CTNNA3: variants seen among roughly 807,000 people sequenced by gnomAD.
The protein encoded by CTNNA3 is catenin alpha-3.
CTNNA3 carries 76 observed loss-of-function variants against 95.7 expected under a neutral mutation model. That is an observed-to-expected ratio of 0.79 (90% confidence interval 0.66 to 0.96). CTNNA3 has a LOEUF of 0.96. CTNNA3 is among the 40% of genes least tolerant of loss of function. The pLI, the probability that CTNNA3 is intolerant of heterozygous loss-of-function variation, is 0.00. For synonymous variants in CTNNA3, 431 were observed against 374.4 expected (o/e 1.15, Z -1.74); for missense variants, 1,191 against 1,089.8 (o/e 1.09, Z -1.31).
intron 5 of CTNNA3, among the ~76,000 whole-genome samples, chr10:67,513,030 A>G (rs117944834): frequency 0.044 from 6,736 of 152,296 alleles, 192 homozygotes; most frequent in Non-Finnish European, 0.07. Flanking sequence ...TTAAAAAGGC[A>G]CTACTGAATT....
At chr10:66,814,278 A>G (rs2132272164) in intron 7 of CTNNA3, among the ~76,000 whole-genome samples, 1 of 152,038 alleles carries the variant, frequency 6.6e-6, no homozygotes, top group South Asian at 2.1e-4. Flanking sequence ...AAAAAAAAAA[A>G]AAAAGAAACA....
At chr10:66,237,629 T>C (rs1306879213) in intron 13 of CTNNA3, among the ~76,000 whole-genome samples, 3 of 151,942 alleles carry the variant, frequency 2.0e-5, no homozygotes, top group Non-Finnish European at 4.4e-5. Context: ...ACAATAGTGG[T>C]GATTCAGAAG....
chr10:66,115,226 T>C (rs2082278703), intron 13 of CTNNA3, among the ~76,000 whole-genome samples: 1 of 152,078 alleles, frequency 6.6e-6, no homozygotes, highest in South Asian at 2.1e-4. Flanking sequence ...ACAGAAAAAA[T>C]CTTTCGATTG....
intron 11 of CTNNA3, among the ~76,000 whole-genome samples, chr10:66,390,102 A>G (rs1239311064): frequency 1.3e-5 from 2 of 152,320 alleles, no homozygotes; most frequent in East Asian, 3.9e-4. Context: ...TAGAAAACAA[A>G]CAAAATTCAG....
rs974618106 is a variant in CTNNA3 at position 66,721,741 on chromosome 10, C to T, written c.1281+44523G>A. Among the ~76,000 whole-genome samples the T allele has an allele frequency of 2.6e-5, 4 of 152,332 alleles. No homozygotes were observed. The East Asian group carries it at 7.7e-4, about 29-fold the overall frequency. ...GGAGCAACGAGAGGGCTCTTCATCG[C>T]TACTGTTAATAACAAAACAATAGCA... On this transcript the variant is annotated intron_variant, in intron 9 of 17. Coordinates refer to ENST00000433211, the MANE Select transcript of CTNNA3 (RefSeq NM_013266.4).
rs185883263 is a variant in CTNNA3 at position 67,029,912 on chromosome 10, G to C, written c.1047+150405C>G. 3.5e-3 allele frequency among the ~76,000 whole-genome samples: 529 copies of C among 152,294 alleles called. 1 individual carries two copies. The highest frequency in any genetic ancestry group is 0.012 in the African/African-American group (495 of 41,568). On this transcript the variant is annotated intron_variant, in intron 7 of 17. Coordinates refer to ENST00000433211, the MANE Select transcript of CTNNA3 (RefSeq NM_013266.4). ...CACTGCACTGGACAATCCAGATATA[G>C]AACAGCCCCATGGCTGGCCAAAGTT...
At chr10:67,541,148 A>G (rs1840673818) in intron 3 of CTNNA3, among the ~76,000 whole-genome samples, 1 of 151,924 alleles carries the variant, frequency 6.6e-6, no homozygotes, top group South Asian at 2.1e-4. Context: ...TGCATGAACA[A>G]GTTTAGCTTT....
chr10:67,712,521 C>T (rs1041134129), intron 1 of CTNNA3, among the ~76,000 whole-genome samples: 2 of 152,186 alleles, frequency 1.3e-5, no homozygotes, highest in East Asian at 3.9e-4. Flanking sequence ...GCCTTGTGTC[C>T]CAGCTGCTCC....
chr10:66,202,316 C>CT (rs1381751275), intron 13 of CTNNA3, among the ~76,000 whole-genome samples: 1 of 152,204 alleles, frequency 6.6e-6, no homozygotes, highest in African/African-American at 2.4e-5. Context: ...GTAGCCTCCT[C>CT]TTGTGTCAAT....
chr10:67,383,633 C>T (rs979767303), intron 5 of CTNNA3, among the ~76,000 whole-genome samples: 5 of 148,844 alleles, frequency 3.4e-5, no homozygotes, highest in Non-Finnish European at 7.5e-5. Flanking sequence ...TTACAGTCCA[C>T]TTTACCTCAC....
chr10:67,212,118 C>A (rs1168245755), intron 6 of CTNNA3, among the ~76,000 whole-genome samples: 2 of 151,890 alleles, frequency 1.3e-5, no homozygotes, highest in African/African-American at 4.8e-5. Flanking sequence ...GATTTACCAC[C>A]CATTTTAACA....
At chr10:67,747,662 GA>G (rs998548205) in intron 1 of CTNNA3, among the ~76,000 whole-genome samples, 1 of 152,076 alleles carries the variant, frequency 6.6e-6, no homozygotes, top group African/African-American at 2.4e-5. Context: ...AAGAATCAAC[GA>G]AAAAACGCTA....
chr10:66,508,877 T>C (rs1262600005), intron 11 of CTNNA3, among the ~76,000 whole-genome samples: 2 of 152,168 alleles, frequency 1.3e-5, no homozygotes, highest in Non-Finnish European at 2.9e-5. Flanking sequence ...AATACAATGA[T>C]TTCCCTTCTT....
chr10:66,573,329 A>C (rs1045908332), intron 10 of CTNNA3, among the ~76,000 whole-genome samples: 2 of 152,174 alleles, frequency 1.3e-5, no homozygotes, highest in Middle Eastern at 3.2e-3. Context: ...CCAGAAGCAC[A>C]ATCCCAACAT....
At chr10:67,614,048 G>A (rs1160190232) in intron 2 of CTNNA3, among the ~76,000 whole-genome samples, 2 of 152,206 alleles carry the variant, frequency 1.3e-5, no homozygotes, top group Non-Finnish European at 2.9e-5. Context: ...TCCACAGCAA[G>A]GAAGCGGACC....
intron 7 of CTNNA3, among the ~76,000 whole-genome samples, chr10:66,832,977 AT>A (rs1842772172): frequency 6.6e-6 from 1 of 152,218 alleles, no homozygotes. Context: ...ATGGTCTCAT[AT>A]CAACTTCCTC....
In CTNNA3 at chr10:67,704,404, G is replaced by C. The variant is rs1468551350; in HGVS notation, c.-1-56890C>G. ...CTACAAGGCTACAGTAACCAAAACA[G>C]CATGGTACTGGTACCAAAACAGAGA... On this transcript the variant is annotated intron_variant, in intron 1 of 17. Transcript: ENST00000684154. Among the ~76,000 whole-genome samples the C allele has an allele frequency of 2.6e-5, 4 of 152,310 alleles. No homozygotes were observed. In the East Asian group the frequency reaches 7.7e-4, roughly 29 times the overall value.
chr10:67,132,369 A>C (rs1318401365), intron 7 of CTNNA3, among the ~76,000 whole-genome samples: 1 of 152,092 alleles, frequency 6.6e-6, no homozygotes, highest in African/African-American at 2.4e-5. Flanking sequence ...ATCAAGAAAG[A>C]AAATGGAAAG....
At chr10:65,987,025 C>T (rs570833355) in intron 16 of CTNNA3, among the ~76,000 whole-genome samples, 1 of 151,920 alleles carries the variant, frequency 6.6e-6, no homozygotes, top group East Asian at 1.9e-4. Flanking sequence ...GAAACTAGGC[C>T]CCTACCTTTC....
Sources: allele counts gnomAD v4.1 joint callset (sites outside exome capture counted in the v4.1 genomes callset), GRCh38; gene constraint gnomAD v4.1.1; transcripts MANE v1.5; gene names NCBI Gene and HGNC (gene_info 2026-07-23, HGNC 2026-07-21).